CTNND2: variants seen among roughly 807,000 people sequenced by gnomAD.
CTNND2 encodes catenin delta 2, also known as catenin delta-2.
In CTNND2, 22 loss-of-function variants were observed where a neutral mutation model predicts 144.4. The ratio of observed to expected loss-of-function variants is 0.15; its 90% CI spans 0.11 to 0.22. The LOEUF (loss-of-function observed/expected upper bound fraction) is 0.22, where lower values mean the gene tolerates loss of function less well. Among genes scored for constraint, CTNND2 ranks in the 10% least tolerant of loss-of-function variants. The probability of loss-of-function intolerance (pLI) is 1.00; values close to 1 mark genes in which losing one functional copy is unlikely to be tolerated. For synonymous variants in CTNND2, 751 were observed against 695.6 expected (o/e 1.08, Z -1.25); for missense variants, 1,353 against 1,618.8 (o/e 0.84, Z 2.82).
chr5:11,696,318 A>T (rs1785138150), intron 2 of CTNND2, among the ~76,000 whole-genome samples: 1 of 152,238 alleles, frequency 6.6e-6, no homozygotes, highest in Non-Finnish European at 1.5e-5. Flanking sequence ...CCAACTATTT[A>T]AAATATGTGA....
chr5:11,406,088 A>G (rs1761081341), intron 5 of CTNND2, among the ~76,000 whole-genome samples: 1 of 152,216 alleles, frequency 6.6e-6, no homozygotes, highest in African/African-American at 2.4e-5. Context: ...CAGAGGTTAC[A>G]GTGAGCTGAG....
intron 9 of CTNND2, among the ~76,000 whole-genome samples, chr5:11,271,470 C>T (rs1475911367): frequency 6.6e-6 from 1 of 151,980 alleles, no homozygotes; most frequent in African/African-American, 2.4e-5. Flanking sequence ...TATTTAAATT[C>T]CTGGTTTATT....
At chr5:11,160,535 T>C (rs148182500) in intron 11 of CTNND2, among the ~76,000 whole-genome samples, 20 of 152,356 alleles carry the variant, frequency 1.3e-4, no homozygotes, top group African/African-American at 4.6e-4. Context: ...ACATTGCATA[T>C]ATATTATAAC....
chr5:10,991,941 G>A (rs535531718), intron 19 of CTNND2, among the ~76,000 whole-genome samples: 202 of 152,008 alleles, frequency 1.3e-3, no homozygotes, highest in African/African-American at 4.5e-3. Context: ...TTATTGAGAC[G>A]GAGTCTCACT....
chr5:11,301,730 A>C (rs1233870845), intron 9 of CTNND2, among the ~76,000 whole-genome samples: 2 of 152,220 alleles, frequency 1.3e-5, no homozygotes, highest in Non-Finnish European at 2.9e-5. Context: ...TTTTAATCTT[A>C]AGACATACAT....
At chr5:11,868,599 A>C (rs975207600) in intron 1 of CTNND2, among the ~76,000 whole-genome samples, 13 of 152,184 alleles carry the variant, frequency 8.5e-5, no homozygotes, top group Non-Finnish European at 1.8e-4. Context: ...GCACGTTGAA[A>C]CTTAATCCTC....
At chr5:11,816,506 G>A (rs116127119) in intron 1 of CTNND2, among the ~76,000 whole-genome samples, 3,242 of 150,550 alleles carry the variant, frequency 0.022, 53 homozygotes, top group Middle Eastern at 0.055. Flanking sequence ...AGCATCTGGG[G>A]TGCCTGTGGT....
chr5:11,240,287 T>C lies in CTNND2; in HGVS notation c.1629-3464A>G, dbSNP rs536526905. On this transcript the variant is annotated intron_variant, in intron 9 of 21. Transcript: ENST00000304623. ...ACACACACACCCAACACACACACACTCAAACACACACCCAACACACATACA... is the reference window on the plus strand; with the variant it reads ...ACACACACACCCAACACACACACACCCAAACACACACCCAACACACATACA... 1.6e-3 allele frequency among the ~76,000 whole-genome samples: 59 copies of C among 37,028 alleles called. 1 individual carries two copies. The East Asian group carries it at 0.033, about 21-fold the overall frequency. 24.3% of individuals were successfully genotyped at this position (37,028 alleles called of 152,430 possible). A position where few individuals can be genotyped will look rare whatever the true frequency, so the allele number is the denominator to read the frequency against.
chr5:11,046,125 C>T (rs1048738221), intron 16 of CTNND2, among the ~76,000 whole-genome samples: 1 of 152,058 alleles, frequency 6.6e-6, no homozygotes, highest in African/African-American at 2.4e-5. Context: ...ATATCCTAAC[C>T]CCCAGTCCCT....
intron 1 of CTNND2, among the ~76,000 whole-genome samples, chr5:11,858,977 T>C (rs1795377957): frequency 6.6e-6 from 1 of 152,164 alleles, no homozygotes; most frequent in Admixed American, 6.5e-5. Flanking sequence ...AGCTAATATG[T>C]CACAAACTTA....
At chr5:11,251,676 T>A (rs1743672507) in intron 9 of CTNND2, among the ~76,000 whole-genome samples, 1 of 152,216 alleles carries the variant, frequency 6.6e-6, no homozygotes, top group Admixed American at 6.5e-5. Context: ...TAACCATTAA[T>A]GAAAAACTTC....
intron 1 of CTNND2, among the ~76,000 whole-genome samples, chr5:11,800,098 T>A (rs559729027): frequency 7.9e-5 from 12 of 152,300 alleles, no homozygotes; most frequent in African/African-American, 2.6e-4. Context: ...ACTGTCAACT[T>A]CATGTGTTAA....
chr5:11,808,444 T>C (rs1792130387), intron 1 of CTNND2, among the ~76,000 whole-genome samples: 1 of 152,168 alleles, frequency 6.6e-6, no homozygotes, highest in Admixed American at 6.5e-5. Flanking sequence ...TAACCCCAAC[T>C]TTCTCTGGGA....
intron 16 of CTNND2, among the ~76,000 whole-genome samples, chr5:11,072,963 A>G (rs973725936): frequency 1.3e-5 from 2 of 152,198 alleles, no homozygotes; most frequent in South Asian, 4.1e-4. Context: ...CATCTGATTG[A>G]TGGCACCAGC....
At chr5:11,493,660 A>G (rs1336711739) in intron 3 of CTNND2, among the ~76,000 whole-genome samples, 1 of 152,224 alleles carries the variant, frequency 6.6e-6, no homozygotes, top group Non-Finnish European at 1.5e-5. Context: ...GACTTTGACA[A>G]GAGCTGTTGC....
intron 3 of CTNND2, among the ~76,000 whole-genome samples, chr5:11,501,052 C>A (rs1770480374): frequency 6.6e-6 from 1 of 152,204 alleles, no homozygotes; most frequent in Non-Finnish European, 1.5e-5. Flanking sequence ...GCATCTCAAG[C>A]ATATTTTAAC....
chr5:11,314,554 T>C (rs1751309752), intron 9 of CTNND2, among the ~76,000 whole-genome samples: 3 of 152,134 alleles, frequency 2.0e-5, no homozygotes, highest in Non-Finnish European at 4.4e-5. Context: ...TTTGTAGAGA[T>C]GGGGGTCTCT....
intron 9 of CTNND2, among the ~76,000 whole-genome samples, chr5:11,256,625 C>T (rs149153561): frequency 1.3e-5 from 2 of 152,292 alleles, no homozygotes; most frequent in East Asian, 3.9e-4. Flanking sequence ...TGCAATATTA[C>T]ATATGTACTA....
chr5:11,791,001 T>A (rs1561799509), intron 1 of CTNND2, among the ~76,000 whole-genome samples: 1 of 151,304 alleles, frequency 6.6e-6, no homozygotes, highest in Non-Finnish European at 1.5e-5. Flanking sequence ...AGGACTGGAG[T>A]CCTTAAAAAA....
Sources: allele counts gnomAD v4.1 joint callset (sites outside exome capture counted in the v4.1 genomes callset), GRCh38; gene constraint gnomAD v4.1.1; transcripts MANE v1.5; gene names NCBI Gene and HGNC (gene_info 2026-07-23, HGNC 2026-07-21).